Variants in METTL21C observed in about 807,000 individuals in gnomAD.
METTL21C encodes protein-lysine methyltransferase METTL21C.
METTL21C carries 21 observed loss-of-function variants against 25.9 expected under a neutral mutation model. The observed-to-expected ratio is 0.81, with a 90% CI of 0.58 to 1.17. The LOEUF (loss-of-function observed/expected upper bound fraction) is 1.17. Among genes scored for constraint, METTL21C ranks in the 50% most tolerant of loss-of-function variants. The probability of loss-of-function intolerance (pLI) is 0.00; values close to 1 mark genes in which losing one functional copy is unlikely to be tolerated. For synonymous variants in METTL21C, 125 were observed against 124.7 expected, an observed-to-expected ratio of 1.00 and a Z score of -0.01; for missense variants, 312 against 315.1, an observed-to-expected ratio of 0.99 and a Z score of 0.07.
At chr13:102,702,073 A>T in the METTL21C span, among the ~76,000 whole-genome samples, 1 of 152,078 alleles carries the variant, frequency 6.6e-6, no homozygotes, top group South Asian at 2.1e-4. Flanking sequence ...CTGAGGCTGG[A>T]GAATCACTTG....
rs111474584 is a variant in METTL21C at position 102,694,873 on chromosome 13, T to TTC, written c.-377_-376dup. 0.11 allele frequency among the ~76,000 whole-genome samples: 14,482 copies of TTC among 127,504 alleles called. 815 individuals carry two copies. Among genetic ancestry groups the TTC allele is most frequent in the Non-Finnish European group, 0.15 (9,180 of 60,122 alleles). The allele number at this position is 127,504 out of a possible 152,430, so 83.6% of individuals were successfully genotyped here. On this transcript the variant is annotated 5_prime_UTR_variant, in exon 1 of 4. Coordinates refer to ENST00000267273, the MANE Select transcript of METTL21C (RefSeq NM_001010977.3). ...ATTACTTTGCTAGAATTCTCTCTCT[T>TTC]TCTCTCTCTCTCTCTCTCTCTCTCT...
chr13:102,695,036 C>T lies in METTL21C; in HGVS notation c.-538G>A, dbSNP rs1885925043. On this transcript the variant is annotated 5_prime_UTR_variant, in exon 1 of 4. Coordinates refer to ENST00000267273, the MANE Select transcript of METTL21C (RefSeq NM_001010977.3). ...GGCATCCAGTTGCTGCGATGTGGTT[C>T]GAAACGTTAGACTTCCAGTTCACTT... Among the ~76,000 whole-genome samples the T allele has an allele frequency of 1.3e-5, 2 of 152,014 alleles. No homozygotes were observed. Among genetic ancestry groups the T allele is most frequent in the Non-Finnish European group, 2.9e-5 (2 of 68,012 alleles).
chr13:102,691,921 G>T (rs1360265636), intron 1 of METTL21C, among the ~76,000 whole-genome samples: 2 of 152,226 alleles, frequency 1.3e-5, no homozygotes, highest in Non-Finnish European at 1.5e-5. Flanking sequence ...GATCACAAGT[G>T]TTTGCAGGTT....
intron 3 of METTL21C, 81 bp from the exon 4 acceptor site, chr13:102,686,506 A>G: frequency 1.4e-6 from 2 of 1,471,492 alleles, no homozygotes; most frequent in East Asian, 2.3e-5. Context: ...CACAAGAAAC[A>G]ACTGGATTCC....
chr13:102,704,101 A>G, the METTL21C span, among the ~76,000 whole-genome samples: 1 of 152,258 alleles, frequency 6.6e-6, no homozygotes, highest in Admixed American at 6.5e-5. Flanking sequence ...TTTGTATAGA[A>G]AATGTTACAA....
chr13:102,700,406 T>C, the METTL21C span, among the ~76,000 whole-genome samples: 1 of 152,184 alleles, frequency 6.6e-6, no homozygotes, highest in African/African-American at 2.4e-5. Flanking sequence ...TTAAAACAGA[T>C]TTCCCCTCAA....
chr13:102,690,828 C>G lies in METTL21C; in HGVS notation c.267G>C (p.Ala89=). The change falls in exon 2 of 4, where the codon GCG becomes GCC. Residue 89 remains alanine (A), a synonymous_variant. Transcript: ENST00000267273. ...VIQESIESYG[A]VVWPGAMALC... ...GTTCTCTCACCCCTGGCCACACCACCGCTCCGTAACTCTCTATGGATTCCT... is the reference window on the plus strand; with the variant it reads ...GTTCTCTCACCCCTGGCCACACCACGGCTCCGTAACTCTCTATGGATTCCT... 6.2e-7 allele frequency: 1 copy of G among 1,614,078 alleles called. No individual in the cohort carries two copies. The highest frequency in any genetic ancestry group is 8.5e-7 in the Non-Finnish European group (1 of 1,179,992).
intron 2 of METTL21C, among the ~76,000 whole-genome samples, chr13:102,689,525 C>T (rs1386745004): frequency 6.6e-6 from 1 of 152,236 alleles, no homozygotes; most frequent in Non-Finnish European, 1.5e-5. Context: ...CAGGAATACT[C>T]AATGTGGGCA....
upstream of METTL21C, among the ~76,000 whole-genome samples, chr13:102,696,791 G>A (rs986229630): frequency 6.6e-6 from 1 of 152,156 alleles, no homozygotes; most frequent in Non-Finnish European, 1.5e-5. Context: ...TCTGAGAATT[G>A]TTCTCTGACA....
the METTL21C span, among the ~76,000 whole-genome samples, chr13:102,700,853 C>T: frequency 1.5e-4 from 23 of 152,088 alleles, no homozygotes; most frequent in Middle Eastern, 3.4e-3. Context: ...ATGACTCTGA[C>T]ACCCTACGAC....
chr13:102,699,288 A>T (rs775973044), upstream of METTL21C, among the ~76,000 whole-genome samples: 2 of 152,186 alleles, frequency 1.3e-5, no homozygotes, highest in Non-Finnish European at 2.9e-5. Context: ...AACTAAAGGC[A>T]ATGGAGTTGC....
upstream of METTL21C, among the ~76,000 whole-genome samples, chr13:102,696,323 A>G (rs1595247929): frequency 1.3e-5 from 2 of 151,916 alleles, no homozygotes; most frequent in Admixed American, 1.3e-4. Context: ...ATGAGAACAC[A>G]TGGACACAGG....
chr13:102,688,946 G>A (rs1231241466), intron 2 of METTL21C, among the ~76,000 whole-genome samples: 2 of 152,194 alleles, frequency 1.3e-5, no homozygotes, highest in African/African-American at 2.4e-5. Flanking sequence ...CACAGGAAAA[G>A]GGCGCCTTCC....
chr13:102,702,453 A>G, the METTL21C span, among the ~76,000 whole-genome samples: 3 of 152,206 alleles, frequency 2.0e-5, no homozygotes, highest in African/African-American at 7.2e-5. Context: ...TAACAATTGG[A>G]AAGGAATAAA....
At chr13:102,690,040 T>A (rs1016506903) in intron 2 of METTL21C, among the ~76,000 whole-genome samples, 28 of 152,258 alleles carry the variant, frequency 1.8e-4, no homozygotes, top group African/African-American at 6.5e-4. Flanking sequence ...TTCAGCGCCA[T>A]CCTCTCAGGG....
intron 2 of METTL21C, 135 bp from the exon 3 acceptor site, chr13:102,687,192 T>G: frequency 1.5e-6 from 1 of 661,214 alleles, no homozygotes; most frequent in Non-Finnish European, 2.7e-6. Flanking sequence ...AGAACCCAAA[T>G]GTACACTCAA....
At chr13:102,699,250 A>G (rs1566392774), upstream of METTL21C, among the ~76,000 whole-genome samples, 1 of 152,168 alleles carries the variant, frequency 6.6e-6, no homozygotes, top group Non-Finnish European at 1.5e-5. Flanking sequence ...ACAGTGGAAA[A>G]TAACCTGAAG....
rs927921566 is a variant in METTL21C, at chr13:102,686,156, T to A, written c.670A>T (p.Lys224Ter). The change falls in exon 4 of 4, where the codon AAA becomes TAA. Residue 224 changes from lysine to a stop codon, truncating the protein, a stop_gained. Transcript: ENST00000267273. LOFTEE classifies it high-confidence loss of function. ...TCATAGTCGGTGCTGAACCTGAATT[T>A]GTTTGCCCAAAGCAGCACCGTCCCT... ...QPGTVLLWAN[K>*]FRFSTDYEFL... 6.2e-7 allele frequency: 1 copy of A among 1,614,092 alleles called. No homozygotes were observed. The highest frequency in any genetic ancestry group is 1.3e-5 in the African/African-American group (1 of 74,934).
chr13:102,696,201 CAT>C (rs1284782033), upstream of METTL21C, among the ~76,000 whole-genome samples: 9 of 152,074 alleles, frequency 5.9e-5, no homozygotes, highest in Admixed American at 5.9e-4. Flanking sequence ...AGGATGAGTT[CAT>C]GTCCTTTGCA....
Sources: gnomAD v4.1 joint callset for allele counts (sites outside exome capture counted in the v4.1 genomes callset) on GRCh38, gnomAD v4.1.1 for gene constraint, MANE v1.5 for transcripts, NCBI Gene and HGNC (gene_info 2026-07-23, HGNC 2026-07-21) for gene names.